The following CHRFAM7A variants were observed in gnomAD, a reference collection of about 807,000 sequenced individuals.
CHRFAM7A encodes the protein CHRNA7-FAM7A fusion protein.
Under a neutral mutation model 29.2 loss-of-function variants are expected in CHRFAM7A, and 3 were observed. The observed-to-expected ratio is 0.10, with a 90% CI of 0.05 to 0.27. The LOEUF (loss-of-function observed/expected upper bound fraction) is 0.27. Ranked by LOEUF, CHRFAM7A falls within the 10% of genes least tolerant of loss-of-function variation. The pLI is 1.00. For synonymous variants in CHRFAM7A, 7 were observed against 135.4 expected, an observed-to-expected ratio of 0.05 and a Z score of 6.58; for missense variants, 22 against 328.0, an observed-to-expected ratio of 0.07 and a Z score of 7.21.
chr15:30,374,455 T>C (rs1341311207), intron 5 of CHRFAM7A, among the ~76,000 whole-genome samples: 5 of 123,784 alleles, frequency 4.0e-5, no homozygotes, highest in Middle Eastern at 4.1e-3. Context: ...CCCCCTCCAT[T>C]AATAGTTGGA....
At chr15:30,392,753 T>TAG (rs2059006575) in intron 1 of CHRFAM7A, among the ~76,000 whole-genome samples, 1 of 30,100 alleles carries the variant, frequency 3.3e-5, no homozygotes, top group Non-Finnish European at 7.0e-5. Context: ...TTTCACCATG[T>TAG]TGGCCAGGCT....
At chr15:30,368,846 TG>T (rs2058824381) in intron 8 of CHRFAM7A, among the ~76,000 whole-genome samples, 2 of 98,226 alleles carry the variant, frequency 2.0e-5, no homozygotes, top group Non-Finnish European at 4.1e-5. Context: ...GTCAGAAGCA[TG>T]GGAAGCCGGA....
Position 30,367,366 on chromosome 15 carries a change from G to A in CHRFAM7A, c.720+52C>T, listed in dbSNP as rs943786847. 110 of 1,580,056 alleles carry A rather than the reference G, an allele frequency of 7.0e-5. 1 individual carries two copies. The highest frequency in any genetic ancestry group is 1.8e-4 in the Middle Eastern group (1 of 5,608). Reference sequence around the variant, plus strand: ...TGATTTTAAAAATAAACCCTAGGAGGAGCCTCCTTTACAGCGGGGCTCCGA... The same window carrying A: ...TGATTTTAAAAATAAACCCTAGGAGAAGCCTCCTTTACAGCGGGGCTCCGA... On this transcript the variant is annotated intron_variant, in intron 9 of 9. Coordinates refer to ENST00000299847, the MANE Select transcript of CHRFAM7A (RefSeq NM_139320.2).
intron 5 of CHRFAM7A, among the ~76,000 whole-genome samples, chr15:30,374,744 TTC>T (rs1172672109): frequency 3.2e-5 from 4 of 123,312 alleles, no homozygotes; most frequent in East Asian, 2.5e-4. Context: ...GATATGTAAA[TTC>T]TCTCTCAATA....
At chr15:30,369,428 A>AT (rs1352811294) in intron 8 of CHRFAM7A, among the ~76,000 whole-genome samples, 2 of 123,516 alleles carry the variant, frequency 1.6e-5, no homozygotes. Context: ...GGCAGCTCTA[A>AT]TTATTAAACC....
At chr15:30,388,713 CT>C (rs2058987857) in intron 1 of CHRFAM7A, among the ~76,000 whole-genome samples, 1 of 81,540 alleles carries the variant, frequency 1.2e-5, no homozygotes, top group Non-Finnish European at 2.4e-5. Flanking sequence ...AAATTATACT[CT>C]CTTGCTTCAA....
chr15:30,393,885 C>CTG (rs1197489537), upstream of CHRFAM7A: 2 of 70,746 alleles, frequency 2.8e-5, no homozygotes, highest in African/African-American at 1.0e-4. Context: ...GTGTGTGTGT[C>CTG]TATGTGTGTG....
Position 30,367,417 on chromosome 15 carries a change from C to T in CHRFAM7A, c.720+1G>A, listed in dbSNP as rs777682685. The T allele has an allele frequency of 1.2e-6, 2 of 1,606,582 alleles. No homozygotes were observed. Among genetic ancestry groups the T allele is most frequent in the South Asian group, 1.1e-5 (1 of 90,834 alleles). ...CTCCATCGGGGGTGGGAGGAACGTA[C>T]CCACTTGGGCATCTTGCCCCCGTCG... On this transcript the variant is annotated splice_donor_variant, in intron 9 of 9. Coordinates refer to ENST00000299847, the MANE Select transcript of CHRFAM7A (RefSeq NM_139320.2). LOFTEE classifies it high-confidence loss of function.
chr15:30,375,669 T>C (rs1194993158), intron 5 of CHRFAM7A, among the ~76,000 whole-genome samples: 2 of 137,170 alleles, frequency 1.5e-5, no homozygotes, highest in Non-Finnish European at 3.1e-5. Flanking sequence ...GTGTGAGGGG[T>C]GTGTGTGTGT....
chr15:30,367,477 TCAC>T lies in CHRFAM7A; in HGVS notation c.658_660del (p.Val220del). The T allele has an allele frequency of 6.2e-7, 1 of 1,605,772 alleles. No individual in the cohort carries two copies. The highest frequency in any genetic ancestry group is 1.1e-5 in the South Asian group (1 of 90,718). ...TGGTGGTACTGCAGCACGATCACCGTCACCACCACCGAGAGGCCCACGATGATC... is the reference window on the plus strand; with the variant it reads ...TGGTGGTACTGCAGCACGATCACCGTCACCACCGAGAGGCCCACGATGATC... On this transcript the variant is annotated inframe_deletion, in exon 9 of 10. Coordinates refer to ENST00000299847, the MANE Select transcript of CHRFAM7A (RefSeq NM_139320.2).
chr15:30,370,983 G>C, intron 8 of CHRFAM7A, 115 bp downstream of exon 8: 1 of 1,512,584 alleles, frequency 6.6e-7, no homozygotes, highest in Admixed American at 1.7e-5. Flanking sequence ...TCACCTTCCA[G>C]AGAAAATGGG....
rs1313421453 is a variant in CHRFAM7A at position 30,367,689 on chromosome 15, G to A, written c.611-162C>T. 2.1e-5 allele frequency among the ~76,000 whole-genome samples: 3 copies of A among 143,530 alleles called. No homozygotes were observed. In the East Asian group the frequency reaches 6.2e-4, roughly 30 times the overall value. The allele number at this position is 143,530 out of a possible 152,430, so 94.2% of individuals were successfully genotyped here. ...CCCACATTCTGGGTGGGCAAAACCA[G>A]CCAGTGTGGTCTGACTTCCCGCCCA... On this transcript the variant is annotated intron_variant, in intron 8 of 9. Transcript: ENST00000299847.
chr15:30,367,353 T>C (rs2058799170), intron 9 of CHRFAM7A, 65 bp downstream of exon 9: 5 of 1,553,160 alleles, frequency 3.2e-6, no homozygotes, highest in African/African-American at 1.4e-5. Context: ...ATTTTAAAAA[T>C]AAACCCTAGG....
intron 4 of CHRFAM7A, among the ~76,000 whole-genome samples, chr15:30,377,595 G>C (rs1881195997): frequency 8.2e-6 from 1 of 122,416 alleles, no homozygotes; most frequent in Admixed American, 8.9e-5. Flanking sequence ...TTTTTTTTGA[G>C]ACAGAGTCTT....
At chr15:30,377,577 CTT>C (rs66689503) in intron 4 of CHRFAM7A, among the ~76,000 whole-genome samples, 104 of 94,032 alleles carry the variant, frequency 1.1e-3, no homozygotes, top group Middle Eastern at 5.0e-3. Flanking sequence ...ACATATATAT[CTT>C]TTTTTTTTTT....
intron 4 of CHRFAM7A, among the ~76,000 whole-genome samples, chr15:30,377,741 AT>A (rs1369824141): frequency 7.0e-6 from 1 of 143,796 alleles, no homozygotes; most frequent in African/African-American, 2.6e-5. Flanking sequence ...CACCTGGTTA[AT>A]TTTTTTGTAT....
chr15:30,371,525 A>G (rs372497789), intron 7 of CHRFAM7A, among the ~76,000 whole-genome samples: 4,347 of 149,606 alleles, frequency 0.029, 41 homozygotes, highest in Non-Finnish European at 0.045. Flanking sequence ...AAAAGAAAAT[A>G]TGCAGTCAGG....
At chr15:30,375,657 G>A (rs1408182863) in intron 5 of CHRFAM7A, among the ~76,000 whole-genome samples, 2 of 148,866 alleles carry the variant, frequency 1.3e-5, no homozygotes, top group Non-Finnish European at 3.0e-5. Flanking sequence ...TGTAAGTGGT[G>A]TGTGTGAGGG....
At chr15:30,371,417 T>C (rs1339469945) in intron 7 of CHRFAM7A, among the ~76,000 whole-genome samples, 4 of 148,862 alleles carry the variant, frequency 2.7e-5, no homozygotes, top group African/African-American at 1.0e-4. Flanking sequence ...GACCCAGAAT[T>C]TTAAAAGCAT....
Sources: allele counts gnomAD v4.1 joint callset (sites outside exome capture counted in the v4.1 genomes callset), GRCh38; gene constraint gnomAD v4.1.1; transcripts MANE v1.5; gene names NCBI Gene and HGNC (gene_info 2026-07-23, HGNC 2026-07-21).